Variants in TET3 observed in about 807,000 individuals in gnomAD.
The protein encoded by TET3 is tet methylcytosine dioxygenase 3, also known as methylcytosine dioxygenase TET3.
In TET3, 19 loss-of-function variants were observed where a neutral mutation model predicts 141.4. The observed-to-expected ratio is 0.13, with a 90% CI of 0.09 to 0.20. The LOEUF (loss-of-function observed/expected upper bound fraction) is 0.20, where lower values mean the gene tolerates loss of function less well. Ranked by LOEUF, TET3 falls within the 10% of genes least tolerant of loss-of-function variation. The probability of loss-of-function intolerance (pLI) is 1.00; values close to 1 mark genes in which losing one functional copy is unlikely to be tolerated. For synonymous variants in TET3, 1,043 were observed against 980.9 expected, an observed-to-expected ratio of 1.06 and a Z score of -1.18; for missense variants, 1,874 against 2,356.9, an observed-to-expected ratio of 0.80 and a Z score of 4.24.
At chr2:74,022,444 T>G (rs1156746056) in intron 3 of TET3, among the ~76,000 whole-genome samples, 2 of 151,958 alleles carry the variant, frequency 1.3e-5, no homozygotes, top group African/African-American at 4.8e-5. Flanking sequence ...TTTTGTTTCT[T>G]GAGACAGAGT....
intron 3 of TET3, among the ~76,000 whole-genome samples, chr2:74,017,044 GGGAAGCTGAGGCAGCAGAATTGCTTGA>G (rs1214060258): frequency 1.3e-5 from 2 of 152,036 alleles, no homozygotes; most frequent in Non-Finnish European, 2.9e-5. Context: ...TCAGCTACTT[GGGAAGCTGAGGCAGCAGAATTGCTTGA>G]GGTGGGAAGT....
At chr2:74,132,855 C>A in the TET3 span, among the ~76,000 whole-genome samples, 1 of 152,110 alleles carries the variant, frequency 6.6e-6, no homozygotes, top group East Asian at 1.9e-4. Flanking sequence ...TAGCTGGACC[C>A]GTGTCCTTTC....
chr2:74,091,195 C>T (rs1202557928), intron 8 of TET3, among the ~76,000 whole-genome samples: 1 of 152,120 alleles, frequency 6.6e-6, no homozygotes, highest in African/African-American at 2.4e-5. Flanking sequence ...GTAAGATTCA[C>T]CCTCCCTTAC....
At chr2:74,128,420 A>G in the TET3 span, among the ~76,000 whole-genome samples, 2 of 152,220 alleles carry the variant, frequency 1.3e-5, no homozygotes, top group Non-Finnish European at 2.9e-5. Context: ...GGAGGAGCCA[A>G]GGGGACATGA....
intron 3 of TET3, among the ~76,000 whole-genome samples, chr2:74,018,267 T>A (rs56247747): frequency 0.026 from 3,935 of 152,186 alleles, 170 homozygotes; most frequent in African/African-American, 0.089. Flanking sequence ...GTGCCTGGCC[T>A]TCTTCTGTCA....
At chr2:74,119,978 A>T in the TET3 span, among the ~76,000 whole-genome samples, 1 of 152,220 alleles carries the variant, frequency 6.6e-6, no homozygotes, top group Non-Finnish European at 1.5e-5. Context: ...GCCTTTTGAC[A>T]TTCCTTGGGT....
intron 3 of TET3, among the ~76,000 whole-genome samples, chr2:74,016,512 A>C (rs1685735569): frequency 6.6e-6 from 1 of 152,068 alleles, no homozygotes; most frequent in Non-Finnish European, 1.5e-5. Flanking sequence ...ACTTGAGGTC[A>C]GGAGTTCCAG....
Position 74,105,133 on chromosome 2 carries a change from AACAG to A in TET3, c.*2961_*2964del. Reference sequence around the variant, plus strand: ...CATTTTTTAAGTCCTAAAGATGATTAACAGACATTTTTATCATGAGAAGAAAAAT... The same window carrying A: ...CATTTTTTAAGTCCTAAAGATGATTAACATTTTTATCATGAGAAGAAAAAT... On this transcript the variant is annotated 3_prime_UTR_variant, in exon 12 of 12. Transcript: ENST00000409262. The A allele has an allele frequency of 2.5e-6, 1 of 398,626 alleles. No homozygotes were observed. The allele number at this position is 398,626 out of a possible 1,614,324, so 24.7% of individuals were successfully genotyped here.
At position 74,087,850 on chromosome 2, in the gene TET3, G is replaced by T; in HGVS notation, c.2700G>T (p.Leu900=). ...IAKWVIRRHT[L]EEKLLCLVRH... ...TGCAGGTGATCCGCAGGCACACGCTGGAGGAGAAGCTACTCTGCCTGGTGC... is the reference window on the plus strand; with the variant it reads ...TGCAGGTGATCCGCAGGCACACGCTTGAGGAGAAGCTACTCTGCCTGGTGC... The change falls in exon 7 of 12, where the codon CTG becomes CTT. Residue 900 remains leucine, a synonymous_variant. Coordinates refer to ENST00000409262, the MANE Select transcript of TET3 (RefSeq NM_001287491.2). This position sits in a 1 kb window ranked among gnomAD's most constrained non-coding sequence, Gnocchi z 4.3. 1 of 1,551,114 alleles carries T rather than the reference G, an allele frequency of 6.4e-7. No homozygotes were observed. The highest frequency in any genetic ancestry group is 1.7e-4 in the Middle Eastern group (1 of 5,988).
In TET3 at chr2:74,030,483, A is replaced by AT. The variant is rs544096992; in HGVS notation, c.361-15787dup. Among the ~76,000 whole-genome samples the AT allele has an allele frequency of 2.2e-3, 341 of 152,194 alleles. 3 individuals carry two copies. The South Asian group carries it at 0.025, about 11-fold the overall frequency. On this transcript the variant is annotated intron_variant, in intron 3 of 11. Transcript: ENST00000409262. ...TCAGCTTTCACTAATGTGTGGAAAG[A>AT]TTTTTTTTAATGCAAACTTATAAGC... is the stretch of plus-strand genomic sequence containing the variant.
intron 3 of TET3, among the ~76,000 whole-genome samples, chr2:74,032,052 T>A (rs2105294272): frequency 6.6e-6 from 1 of 152,322 alleles, no homozygotes; most frequent in African/African-American, 2.4e-5. Context: ...ATAGAAAGGT[T>A]ACATTTAAAC....
At chr2:74,043,638 C>T (rs894187803) in intron 3 of TET3, among the ~76,000 whole-genome samples, 5 of 152,156 alleles carry the variant, frequency 3.3e-5, no homozygotes, top group Non-Finnish European at 5.9e-5. Flanking sequence ...ATGAGAACTG[C>T]GTGTACAAAG....
chr2:74,046,594 G>T lies in TET3; in HGVS notation c.677G>T (p.Arg226Leu). 6.2e-7 allele frequency: 1 copy of T among 1,614,054 alleles called. No individual in the cohort carries two copies. The highest frequency in any genetic ancestry group is 8.5e-7 in the Non-Finnish European group (1 of 1,179,896). ...LSTRLYETFN[R>L]EMSREAGNNS... ...ACCCGGCTCTATGAAACCTTCAACC[G>T]TGAGATGAGTCGTGAGGCTGGGAAC... The change falls in exon 4 of 12, where the codon CGT becomes CTT. Residue 226 changes from arginine to leucine, a missense_variant. Arg to Leu is a moderately radical substitution (Grantham distance 102). This residue lies in a region of TET3 where 366 missense variants were observed against 487.0 expected (regional missense o/e 0.75). Transcript: ENST00000409262. The surrounding 1 kb of genome is among the most constrained non-coding windows in gnomAD (Gnocchi z 4.3).
intron 4 of TET3, among the ~76,000 whole-genome samples, chr2:74,051,761 A>AT: frequency 6.6e-6 from 1 of 152,352 alleles, no homozygotes; most frequent in African/African-American, 2.4e-5. Context: ...GAGGAAACAG[A>AT]TTAAGTAATT....
intron 3 of TET3, among the ~76,000 whole-genome samples, chr2:74,027,781 G>T (rs1231292147): frequency 6.6e-6 from 1 of 152,110 alleles, no homozygotes; most frequent in Non-Finnish European, 1.5e-5. Flanking sequence ...GGACATGTAG[G>T]TTATTTTCAC....
the TET3 span, among the ~76,000 whole-genome samples, chr2:74,123,471 G>A: frequency 6.6e-6 from 1 of 152,174 alleles, no homozygotes; most frequent in Admixed American, 6.5e-5. Context: ...ACAAAAAACT[G>A]GACCCGGCCT....
chr2:74,017,648 C>T (rs1250626351), intron 3 of TET3, among the ~76,000 whole-genome samples: 4 of 152,128 alleles, frequency 2.6e-5, no homozygotes, highest in African/African-American at 9.7e-5. Context: ...TTGACTGATA[C>T]TTCGGTCGAT....
At chr2:74,114,853 CAAAAAAAAA>C in the TET3 span, among the ~76,000 whole-genome samples, 2 of 43,882 alleles carry the variant, frequency 4.6e-5, no homozygotes, top group South Asian at 1.5e-3. Flanking sequence ...GACTCTGTCT[CAAAAAAAAA>C]AAAAAAAAAA....
At chr2:74,018,721 T>C (rs1685866741) in intron 3 of TET3, among the ~76,000 whole-genome samples, 1 of 151,270 alleles carries the variant, frequency 6.6e-6, no homozygotes, top group Non-Finnish European at 1.5e-5. Flanking sequence ...TATATAATAC[T>C]TTGGTTTAAA....
Sources: allele counts gnomAD v4.1 joint callset (sites outside exome capture counted in the v4.1 genomes callset), GRCh38; gene constraint gnomAD v4.1.1; regional missense constraint gnomAD v4.1.1; non-coding constraint Gnocchi (gnomAD v3.1); transcripts MANE v1.5; gene names NCBI Gene and HGNC (gene_info 2026-07-23, HGNC 2026-07-21).